Variants in LRP1B observed in about 807,000 individuals in gnomAD.
LRP1B encodes the protein low-density lipoprotein receptor-related protein 1B.
LRP1B carries 217 observed loss-of-function variants against 556.6 expected under a neutral mutation model. That is an observed-to-expected ratio of 0.39 (90% CI 0.35 to 0.44). The LOEUF is 0.44. Among genes scored for constraint, LRP1B ranks in the 20% least tolerant of loss-of-function variants. LRP1B has a pLI of 1.00. For missense variants in LRP1B, 5,053 were observed against 5,620.8 expected (o/e 0.90, Z 3.23); for synonymous variants, 2,047 against 1,865.8 (o/e 1.10, Z -2.50).
intron 7 of LRP1B, among the ~76,000 whole-genome samples, chr2:141,079,642 CAA>C (rs1178263522): frequency 2.6e-5 from 4 of 152,066 alleles, no homozygotes; most frequent in Non-Finnish European, 5.9e-5. Context: ...ATCAAATTTT[CAA>C]AGACAGCACT....
intron 2 of LRP1B, among the ~76,000 whole-genome samples, chr2:141,694,924 T>C (rs1691680282): frequency 6.6e-6 from 1 of 152,146 alleles, no homozygotes; most frequent in South Asian, 2.1e-4. Context: ...TTCCTTTAGA[T>C]AGTTTTTTCT....
At chr2:140,601,710 A>C (rs1682679722) in intron 41 of LRP1B, 71 bp from the exon 42 acceptor site, 2 of 1,052,028 alleles carry the variant, frequency 1.9e-6, no homozygotes, top group African/African-American at 1.6e-5. Context: ...CAGAAAAAGC[A>C]TTTAAGACAT....
intron 2 of LRP1B, among the ~76,000 whole-genome samples, chr2:141,806,228 A>G (rs1238304125): frequency 6.6e-6 from 1 of 152,086 alleles, no homozygotes; most frequent in Non-Finnish European, 1.5e-5. Flanking sequence ...CGTTCCTGCT[A>G]CAGGTGGTAC....
intron 35 of LRP1B, among the ~76,000 whole-genome samples, chr2:140,737,118 T>C (rs1354984130): frequency 6.6e-6 from 1 of 152,024 alleles, no homozygotes; most frequent in East Asian, 1.9e-4. Flanking sequence ...AAATGTATGA[T>C]CCCTTGCACA....
chr2:140,325,715 A>T (rs765580610), intron 80 of LRP1B, 47 bp downstream of exon 80: 1 of 1,259,606 alleles, frequency 7.9e-7, no homozygotes, highest in Admixed American at 1.9e-5. Flanking sequence ...TTAGTATTTA[A>T]CACTCTCAGT....
chr2:140,357,066 G>A (rs1006096807), intron 74 of LRP1B, among the ~76,000 whole-genome samples: 2 of 151,716 alleles, frequency 1.3e-5, no homozygotes, highest in African/African-American at 2.4e-5. Flanking sequence ...AAAGTTACTT[G>A]TAATTTCCAG....
intron 45 of LRP1B, among the ~76,000 whole-genome samples, chr2:140,538,924 A>T (rs1558953190): frequency 6.6e-6 from 1 of 152,156 alleles, no homozygotes; most frequent in African/African-American, 2.4e-5. Flanking sequence ...TTTTTACATT[A>T]TGCAAAAACA....
At chr2:141,573,282 T>G (rs959009670) in intron 2 of LRP1B, among the ~76,000 whole-genome samples, 3 of 152,146 alleles carry the variant, frequency 2.0e-5, no homozygotes, top group Non-Finnish European at 4.4e-5. Flanking sequence ...AATTCAGAAT[T>G]AATAAAGTCA....
In LRP1B at chr2:140,876,836, T is replaced by C. The variant is rs528178360; in HGVS notation, c.4169+6981A>G. ...TTTTTCTTGCTGCACTGTATACAAA[T>C]AATCAGGCCAAGTATAATAAAGCAA... On this transcript the variant is annotated intron_variant, in intron 25 of 90. Coordinates refer to ENST00000389484, the MANE Select transcript of LRP1B (RefSeq NM_018557.3). 7.2e-5 allele frequency among the ~76,000 whole-genome samples: 11 copies of C among 152,278 alleles called. No individual in the cohort carries two copies. In the South Asian group the frequency reaches 2.3e-3, roughly 32 times the overall value.
intron 35 of LRP1B, among the ~76,000 whole-genome samples, chr2:140,749,162 T>A (rs1688482736): frequency 6.6e-6 from 1 of 151,982 alleles, no homozygotes; most frequent in South Asian, 2.1e-4. Context: ...GGTACACATA[T>A]ATAAAACATT....
At position 141,390,801 on chromosome 2, in the gene LRP1B, C is replaced by T. The variant is rs529493417; in HGVS notation, c.343+89595G>A. On this transcript the variant is annotated intron_variant, in intron 3 of 90. Transcript: ENST00000389484. ...GTGAGGGGAGAATGAAGAACAAGTG[C>T]GCAATGCGCTCAAATGTTTTGGAAC... is the stretch of plus-strand genomic sequence containing the variant. Among the ~76,000 whole-genome samples, 12 of 152,118 alleles carry T rather than the reference C, an allele frequency of 7.9e-5. 1 individual carries two copies. In the South Asian group the frequency reaches 1.5e-3, roughly 18 times the overall value.
chr2:141,067,201 G>A (rs1699503118), intron 7 of LRP1B, among the ~76,000 whole-genome samples: 1 of 151,934 alleles, frequency 6.6e-6, no homozygotes, highest in African/African-American at 2.4e-5. Flanking sequence ...TAGAAATAAA[G>A]TAGGAATATT....
At chr2:141,425,248 G>C (rs370406358) in intron 3 of LRP1B, among the ~76,000 whole-genome samples, 86 of 151,734 alleles carry the variant, frequency 5.7e-4, no homozygotes, top group East Asian at 1.2e-3. Flanking sequence ...AGGACATGAA[G>C]TCATCATTTT....
In LRP1B at chr2:140,811,502, A is replaced by G. The variant is rs144432632; in HGVS notation, c.5359+2155T>C. On this transcript the variant is annotated intron_variant, in intron 32 of 90. Coordinates refer to ENST00000389484, the MANE Select transcript of LRP1B (RefSeq NM_018557.3). The stretch of plus-strand genomic sequence containing the variant: ...AGTCACCGACTTTCCTTGAAATATT[A>G]TTCAAGATTTTTAACACCTTTCCTC... Among the ~76,000 whole-genome samples, 135 of 152,282 alleles carry G rather than the reference A, an allele frequency of 8.9e-4. 1 individual carries two copies. The highest frequency in any genetic ancestry group is 3.1e-3 in the African/African-American group (130 of 41,574).
At chr2:141,580,041 T>C (rs769383578) in intron 2 of LRP1B, among the ~76,000 whole-genome samples, 7 of 152,154 alleles carry the variant, frequency 4.6e-5, no homozygotes, top group Non-Finnish European at 1.0e-4. Context: ...ATTTCGGGAA[T>C]AAGAAACATT....
intron 31 of LRP1B, among the ~76,000 whole-genome samples, chr2:140,826,257 G>GA (rs1253311231): frequency 6.6e-6 from 1 of 152,042 alleles, no homozygotes; most frequent in Non-Finnish European, 1.5e-5. Context: ...ATTGACAAGG[G>GA]AAAAAAATGA....
chr2:141,242,272 G>T (rs1683905026), intron 5 of LRP1B, among the ~76,000 whole-genome samples: 2 of 151,914 alleles, frequency 1.3e-5, no homozygotes, highest in African/African-American at 4.8e-5. Context: ...GCAAACCATG[G>T]GTAAATTCTC....
At chr2:140,399,549 C>T (rs1684404625) in intron 66 of LRP1B, among the ~76,000 whole-genome samples, 1 of 152,206 alleles carries the variant, frequency 6.6e-6, no homozygotes, top group Non-Finnish European at 1.5e-5. Flanking sequence ...AAAAATATTG[C>T]TTATTGTCTG....
intron 66 of LRP1B, among the ~76,000 whole-genome samples, chr2:140,430,286 A>G (rs188717560): frequency 6.6e-6 from 1 of 152,284 alleles, no homozygotes; most frequent in East Asian, 1.9e-4. Context: ...CAAAAGGACT[A>G]CGCGTCAATA....
Sources: allele counts gnomAD v4.1 joint callset (sites outside exome capture counted in the v4.1 genomes callset), GRCh38; gene constraint gnomAD v4.1.1; transcripts MANE v1.5; gene names NCBI Gene and HGNC (gene_info 2026-07-23, HGNC 2026-07-21).